Variants in ZNF701 observed in about 807,000 individuals in gnomAD.
ZNF701 encodes zinc finger protein 701.
ZNF701 carries 6 observed loss-of-function variants against 7.1 expected under a neutral mutation model. That is an observed-to-expected ratio of 0.84 (90% confidence interval 0.46 to 1.66). The LOEUF is 1.66. Among genes scored for constraint, ZNF701 ranks in the 40% most tolerant of loss-of-function variants. The pLI is 0.01. For missense variants in ZNF701, 541 were observed against 559.2 expected, an observed-to-expected ratio of 0.97 and a Z score of 0.33; for synonymous variants, 166 against 188.2, an observed-to-expected ratio of 0.88 and a Z score of 0.97.
chr19:52,574,648 ACT>A (rs1283236611), intron 2 of ZNF701, among the ~76,000 whole-genome samples: 1 of 152,138 alleles, frequency 6.6e-6, no homozygotes, highest in Non-Finnish European at 1.5e-5. Flanking sequence ...TGTGTTTCTG[ACT>A]CAAAAAATTG....
intron 1 of ZNF701, among the ~76,000 whole-genome samples, chr19:52,573,475 A>G (rs2059913251): frequency 6.6e-6 from 1 of 151,652 alleles, no homozygotes; most frequent in Non-Finnish European, 1.5e-5. Context: ...GAACTTGAGT[A>G]ATCCTCCCAC....
intron 1 of ZNF701, chr19:52,573,032 C>CA (rs1288807311): frequency 4.3e-6 from 1 of 235,014 alleles, no homozygotes; most frequent in African/African-American, 2.3e-5. Context: ...TCACATTACT[C>CA]AGGTTTTATT....
chr19:52,596,624 G>A, the ZNF701 span: 1 of 424,468 alleles, frequency 2.4e-6, no homozygotes, highest in Non-Finnish European at 4.8e-6. Flanking sequence ...ACAAATGTAA[G>A]GGTTGTGACA....
At chr19:52,596,664 C>T in the ZNF701 span, 167 of 458,242 alleles carry the variant, frequency 3.6e-4, 1 homozygote, top group East Asian at 7.0e-3. Flanking sequence ...ATGCCTTGCA[C>T]AACATCAGAG....
chr19:52,583,735 G>A lies in ZNF701; in HGVS notation c.*278G>A, dbSNP rs1323958261. ...TGTAATGAGTGTGGCAGAGCCTTTGGTGGTCAGTCAACACTTACTCACCAT... is the reference window on the plus strand; with the variant it reads ...TGTAATGAGTGTGGCAGAGCCTTTGATGGTCAGTCAACACTTACTCACCAT... On this transcript the variant is annotated 3_prime_UTR_variant, in exon 4 of 4. Transcript: ENST00000391785. The A allele has an allele frequency of 5.5e-6, 4 of 728,374 alleles. No homozygotes were observed. The highest frequency in any genetic ancestry group is 9.8e-6 in the Non-Finnish European group (4 of 408,708). 45.1% of individuals were successfully genotyped at this position (728,374 alleles called of 1,614,324 possible). A position where few individuals can be genotyped will look rare whatever the true frequency, so the allele number is the denominator to read the frequency against.
chr19:52,571,103 G>A (rs372863402), intron 1 of ZNF701, among the ~76,000 whole-genome samples: 1 of 147,736 alleles, frequency 6.8e-6, no homozygotes. Context: ...CAGCAAAAGT[G>A]AAAAAAAAAA....
rs568726760 is a variant in ZNF701 at position 52,583,121 on chromosome 19, C to T, written c.1062C>T (p.Tyr354=). ...GAATTCACACTGGAGAGAAACCATA[C>T]AAATGTAAGGTTTGTGACAAGGCTT... ...HRRIHTGEKP[Y]KCKVCDKAFR... Residue 354 remains tyrosine (Y), a synonymous_variant, in exon 4 of 4, where the codon TAC becomes TAT. Transcript: ENST00000391785. 2 of 1,612,708 alleles carry T rather than the reference C, an allele frequency of 1.2e-6. No homozygotes were observed. Among genetic ancestry groups the T allele is most frequent in the Admixed American group, 3.3e-5 (2 of 59,938 alleles).
At chr19:52,589,273 A>G (rs534560170), downstream of ZNF701, among the ~76,000 whole-genome samples, 2 of 152,226 alleles carry the variant, frequency 1.3e-5, no homozygotes, top group South Asian at 4.1e-4. Context: ...CTTTTTATTT[A>G]TATTTTCTAT....
chr19:52,584,180 A>G lies in ZNF701; in HGVS notation c.*723A>G, dbSNP rs899010376. ...CCGAGGTTACTCCTTGCAGAATATCATAACGTTCATTTTTGAGGTAATAGT... is the reference window on the plus strand; with the variant it reads ...CCGAGGTTACTCCTTGCAGAATATCGTAACGTTCATTTTTGAGGTAATAGT... On this transcript the variant is annotated 3_prime_UTR_variant, in exon 4 of 4. Coordinates refer to ENST00000391785, the MANE Select transcript of ZNF701 (RefSeq NM_018260.3). 23 of 267,126 alleles carry G rather than the reference A, an allele frequency of 8.6e-5. No individual in the cohort carries two copies. Among genetic ancestry groups the G allele is most frequent in the African/African-American group, 4.7e-4 (21 of 44,774 alleles). The allele number at this position is 267,126 out of a possible 1,614,324, so 16.5% of individuals were successfully genotyped here.
the ZNF701 span, among the ~76,000 whole-genome samples, chr19:52,598,484 C>G: frequency 0.022 from 3,381 of 152,086 alleles, 125 homozygotes; most frequent in African/African-American, 0.077. Flanking sequence ...TTGCCGCGGG[C>G]ACTGGCAATT....
At position 52,585,694 on chromosome 19, in the gene ZNF701, TA is replaced by T. The variant is rs1234801532; in HGVS notation, c.*2238del. The T allele has an allele frequency of 6.9e-6, 1 of 144,180 alleles. No individual in the cohort carries two copies. The highest frequency in any genetic ancestry group is 1.6e-5 in the Non-Finnish European group (1 of 63,686). The allele number at this position is 144,180 out of a possible 1,614,324, so 8.9% of individuals were successfully genotyped here. A position where few individuals can be genotyped will look rare whatever the true frequency, so the allele number is the denominator to read the frequency against. Reference sequence around the variant, plus strand: ...CCCCATTTACAAAGTTTTTGGAGGTTATTTTTTTTTGAGGTCCCTATGGGCT... The same window carrying T: ...CCCCATTTACAAAGTTTTTGGAGGTTTTTTTTTTTGAGGTCCCTATGGGCT... On this transcript the variant is annotated 3_prime_UTR_variant, in exon 4 of 4. Transcript: ENST00000391785.
In ZNF701 at chr19:52,582,233, C is replaced by G. The variant is rs1190757770; in HGVS notation, c.174C>G (p.Phe58Leu). 1.3e-6 allele frequency: 2 copies of G among 1,585,804 alleles called. No homozygotes were observed. Among genetic ancestry groups the G allele is most frequent in the South Asian group, 1.2e-5 (1 of 86,316 alleles). Residue 58 changes from phenylalanine to leucine, a missense_variant, in exon 4 of 4, where the codon TTC (phenylalanine) becomes TTG (leucine). Coordinates refer to ENST00000391785, the MANE Select transcript of ZNF701 (RefSeq NM_018260.3). ...DTSSKCMMKM[F>L]SSTGQGNTEV... ...CTTCCAAATGCATGATGAAGATGTT[C>G]TCATCAACAGGACAAGGCAATACAG...
intron 1 of ZNF701, chr19:52,572,411 A>C (rs1265668122): frequency 7.8e-7 from 1 of 1,281,258 alleles, no homozygotes; most frequent in Non-Finnish European, 1.0e-6. Context: ...TATAAATGTT[A>C]CTGTAATTTT....
rs2060010490 is a variant in ZNF701 at position 52,586,175 on chromosome 19, G to T, written c.*2718G>T. ...TCCCACCTCAGCCTGCAGAGTAGCT[G>T]GGACCACAGCCGCGCGCCACCACAC... On this transcript the variant is annotated 3_prime_UTR_variant, in exon 4 of 4. Coordinates refer to ENST00000391785, the MANE Select transcript of ZNF701 (RefSeq NM_018260.3). The T allele has an allele frequency of 1.3e-5, 2 of 152,192 alleles. No homozygotes were observed. 9.4% of individuals were successfully genotyped at this position (152,192 alleles called of 1,614,324 possible).
the ZNF701 span, chr19:52,595,869 G>A: frequency 6.2e-7 from 1 of 1,613,036 alleles, no homozygotes; most frequent in South Asian, 1.1e-5. Context: ...AGACATGCTG[G>A]AAACAAGCCT....
chr19:52,582,748 TA>T lies in ZNF701; in HGVS notation c.696del (p.Lys232AsnfsTer4), dbSNP rs762217868. ...SGKAFNGSSL[L>X]KKHQIIHLGD... is the part of the protein sequence containing the mutation. ...AAAGCCTTTAATGGTAGCTCACTCT[TA>T]AAAAAACATCAGATAATCCATTTAG... On this transcript the variant is annotated frameshift_variant, in exon 4 of 4. Coordinates refer to ENST00000391785, the MANE Select transcript of ZNF701 (RefSeq NM_018260.3). LOFTEE classifies it low-confidence loss of function (END_TRUNC). 2 of 1,614,076 alleles carry T rather than the reference TA, an allele frequency of 1.2e-6. No homozygotes were observed. The highest frequency in any genetic ancestry group is 1.7e-6 in the Non-Finnish European group (2 of 1,180,012).
intron 3 of ZNF701, among the ~76,000 whole-genome samples, chr19:52,580,739 T>A (rs62117243): frequency 0.089 from 13,539 of 152,204 alleles, 658 homozygotes; most frequent in Middle Eastern, 0.14. Flanking sequence ...AGAAAATATT[T>A]ATCAATATTT....
At chr19:52,576,098 C>T (rs2868491) in intron 3 of ZNF701, 77 bp downstream of exon 3, 50 of 1,605,958 alleles carry the variant, frequency 3.1e-5, no homozygotes, top group African/African-American at 5.4e-5. Flanking sequence ...CTCTTGGGAG[C>T]CACATCCTTG....
chr19:52,588,538 T>C (rs939309207), downstream of ZNF701: 1 of 345,224 alleles, frequency 2.9e-6, no homozygotes, highest in Non-Finnish European at 5.6e-6. Context: ...ACAGGATTGA[T>C]TTCCAAAGAC....
Sources: allele counts gnomAD v4.1 joint callset (sites outside exome capture counted in the v4.1 genomes callset), GRCh38; gene constraint gnomAD v4.1.1; transcripts MANE v1.5; gene names NCBI Gene and HGNC (gene_info 2026-07-23, HGNC 2026-07-21).